The following ARHGAP21 variants were observed in gnomAD, a reference collection of about 807,000 sequenced individuals.
The protein encoded by ARHGAP21 is rho GTPase-activating protein 21.
ARHGAP21 carries 38 observed loss-of-function variants against 164.6 expected under a neutral mutation model. The ratio of observed to expected loss-of-function variants is 0.23; its 90% CI spans 0.18 to 0.30. The LOEUF (loss-of-function observed/expected upper bound fraction) is 0.30, where lower values mean the gene tolerates loss of function less well. ARHGAP21 is among the 10% of genes least tolerant of loss of function. The pLI is 1.00. For synonymous variants in ARHGAP21, 766 were observed against 857.9 expected (o/e 0.89, Z 1.87); for missense variants, 1,822 against 2,370.7 (o/e 0.77, Z 4.81).
intron 2 of ARHGAP21, 29 bp from the exon 3 acceptor site, chr10:24,670,426 C>A: frequency 6.7e-7 from 1 of 1,487,952 alleles, no homozygotes; most frequent in Non-Finnish European, 9.1e-7. Flanking sequence ...TAAAAGTTAA[C>A]TACATAACAC....
chr10:24,596,758 T>C lies in ARHGAP21; in HGVS notation c.3459A>G (p.Pro1153=), dbSNP rs759336865. 4.3e-6 allele frequency: 7 copies of C among 1,613,132 alleles called. No homozygotes were observed. Among genetic ancestry groups the C allele is most frequent in the Non-Finnish European group, 5.9e-6 (7 of 1,179,778 alleles). ...GTFGVRLDDC[P]PAHTNRYIPL... ...CTCCTACCCGATTAGTATGAGCTGG[T>C]GGGCAGTCATCTAGTCGGACGCCGA... Residue 1153 remains proline, a synonymous_variant, in exon 17 of 26, where the codon CCA becomes CCG. Coordinates refer to ENST00000396432, the MANE Select transcript of ARHGAP21 (RefSeq NM_020824.4).
At chr10:24,586,204 T>C (rs1403509271) in intron 25 of ARHGAP21, 98 bp from the exon 26 acceptor site, 1 of 1,388,588 alleles carries the variant, frequency 7.2e-7, no homozygotes, top group East Asian at 2.5e-5. Context: ...TCAAATTATA[T>C]CTACTAAAGC....
intron 2 of ARHGAP21, among the ~76,000 whole-genome samples, chr10:24,692,843 AT>A (rs369943956): frequency 0.057 from 8,612 of 151,638 alleles, 319 homozygotes; most frequent in Non-Finnish European, 0.089. Context: ...AATAAAAAAA[AT>A]AAAAAAATTA....
intron 11 of ARHGAP21, chr10:24,605,655 G>C (rs2076991860): frequency 6.6e-6 from 1 of 152,048 alleles, no homozygotes; most frequent in Non-Finnish European, 1.5e-5. Flanking sequence ...TAACAAAAAA[G>C]ACAAATAGTT....
At chr10:24,705,561 C>T (rs548759613) in intron 2 of ARHGAP21, among the ~76,000 whole-genome samples, 5 of 152,132 alleles carry the variant, frequency 3.3e-5, no homozygotes, top group Non-Finnish European at 7.4e-5. Flanking sequence ...ATATCATAAA[C>T]GAAGAAGCTC....
At chr10:24,666,310 G>C (rs1206196781) in intron 4 of ARHGAP21, among the ~76,000 whole-genome samples, 1 of 152,196 alleles carries the variant, frequency 6.6e-6, no homozygotes, top group East Asian at 1.9e-4. Context: ...GATTACAGGC[G>C]TGAGCGACTG....
chr10:24,646,512 C>G (rs1837586409), intron 4 of ARHGAP21, among the ~76,000 whole-genome samples: 1 of 152,096 alleles, frequency 6.6e-6, no homozygotes, highest in African/African-American at 2.4e-5. Context: ...GTGGTGCAAG[C>G]CTGTGGTCCC....
intron 24 of ARHGAP21, chr10:24,589,557 A>C (rs1390265879): frequency 4.7e-6 from 2 of 424,308 alleles, no homozygotes; most frequent in Admixed American, 4.6e-5. Context: ...TGTGCTAAAC[A>C]AAAACAGAAA....
intron 25 of ARHGAP21, among the ~76,000 whole-genome samples, chr10:24,588,263 G>A (rs1474675770): frequency 1.3e-5 from 2 of 151,946 alleles, no homozygotes; most frequent in African/African-American, 2.4e-5. Context: ...GGTGATACAT[G>A]CTGAAGTATT....
At position 24,620,935 on chromosome 10, in the gene ARHGAP21, T is replaced by G. The variant is rs111870263; in HGVS notation, c.960A>C (p.Pro320=). The change falls in exon 9 of 26, where the codon CCA becomes CCC. Residue 320 remains proline (P), a synonymous_variant. Coordinates refer to ENST00000396432, the MANE Select transcript of ARHGAP21 (RefSeq NM_020824.4). ...GATGAGTGGTGGGAATTGATAATGG[T>G]GGTGATGTGGTTCTTGACACTGTTT... is the stretch of plus-strand genomic sequence containing the variant. ...SLKTVSRTTS[P]PLSIPTTHLI... is the part of the protein sequence containing the mutation. 1.3e-4 allele frequency: 205 copies of G among 1,613,920 alleles called. No individual in the cohort carries two copies. The African/African-American group carries it at 2.2e-3, about 18-fold the overall frequency.
chr10:24,622,130 T>G (rs1017188029), intron 8 of ARHGAP21, among the ~76,000 whole-genome samples: 2 of 152,102 alleles, frequency 1.3e-5, no homozygotes, highest in Non-Finnish European at 2.9e-5. Context: ...CAGGCAGGCA[T>G]GCAGCCTAAA....
chr10:24,696,752 G>C (rs1357872182), intron 2 of ARHGAP21, among the ~76,000 whole-genome samples: 5 of 152,172 alleles, frequency 3.3e-5, no homozygotes, highest in Non-Finnish European at 7.3e-5. Context: ...GGATCTGAAG[G>C]CTCAGAGAAT....
intron 2 of ARHGAP21, among the ~76,000 whole-genome samples, chr10:24,675,798 A>G (rs1393194799): frequency 6.6e-6 from 1 of 152,176 alleles, no homozygotes; most frequent in East Asian, 1.9e-4. Flanking sequence ...TATAAAGTCA[A>G]TATGATATAC....
chr10:24,631,642 G>T (rs1835864188), intron 6 of ARHGAP21, among the ~76,000 whole-genome samples: 1 of 152,118 alleles, frequency 6.6e-6, no homozygotes, highest in Admixed American at 6.5e-5. Context: ...AAAATATGTA[G>T]GTACTTTCAT....
rs1400950899 is a variant in ARHGAP21 at position 24,657,855 on chromosome 10, TGC to T, written c.268+9128_268+9129del. 1.7e-4 allele frequency among the ~76,000 whole-genome samples: 22 copies of T among 127,822 alleles called. 1 individual carries two copies. The East Asian group carries it at 4.3e-3, about 25-fold the overall frequency. The allele number at this position is 127,822 out of a possible 152,430, so 83.9% of individuals were successfully genotyped here. On this transcript the variant is annotated intron_variant, in intron 4 of 25. Coordinates refer to ENST00000396432, the MANE Select transcript of ARHGAP21 (RefSeq NM_020824.4). Reference sequence around the variant, plus strand: ...GTTAAACAGATGCTTGAAGGCAGCATGCTCGTTAAGAGTCATCACCAATCCCT... The same window carrying T: ...GTTAAACAGATGCTTGAAGGCAGCATTCGTTAAGAGTCATCACCAATCCCT...
intron 8 of ARHGAP21, among the ~76,000 whole-genome samples, chr10:24,622,506 C>T (rs12253954): frequency 0.017 from 2,234 of 133,912 alleles, 75 homozygotes; most frequent in African/African-American, 0.057. Flanking sequence ...ATAAATATTA[C>T]GCTGTAGCAT....
chr10:24,699,175 C>CT (rs944403301), intron 2 of ARHGAP21, among the ~76,000 whole-genome samples: 1 of 152,072 alleles, frequency 6.6e-6, no homozygotes, highest in Non-Finnish European at 1.5e-5. Context: ...CCTATTATCT[C>CT]TTTTTCAGTC....
At chr10:24,708,498 T>C (rs1484864828) in intron 2 of ARHGAP21, among the ~76,000 whole-genome samples, 2 of 152,214 alleles carry the variant, frequency 1.3e-5, no homozygotes, top group African/African-American at 2.4e-5. Flanking sequence ...AGTGTAGTGG[T>C]CAAGTTGGCT....
At chr10:24,615,898 C>T (rs537150014) in intron 9 of ARHGAP21, among the ~76,000 whole-genome samples, 1 of 152,236 alleles carries the variant, frequency 6.6e-6, no homozygotes, top group South Asian at 2.1e-4. Context: ...CCTCCGCCTC[C>T]CAAGTAGCTG....
Sources: gnomAD v4.1 joint callset for allele counts (sites outside exome capture counted in the v4.1 genomes callset) on GRCh38, gnomAD v4.1.1 for gene constraint, MANE v1.5 for transcripts, NCBI Gene and HGNC (gene_info 2026-07-23, HGNC 2026-07-21) for gene names.